The following ANKS1B variants were observed in gnomAD, a reference collection of about 807,000 sequenced individuals.
ANKS1B encodes the protein ankyrin repeat and sterile alpha motif domain containing 1B.
ANKS1B carries 36 observed loss-of-function variants against 148.3 expected under a neutral mutation model. The ratio of observed to expected loss-of-function variants is 0.24; its 90% CI spans 0.19 to 0.32. The LOEUF is 0.32. ANKS1B is among the 10% of genes least tolerant of loss of function. The pLI is 1.00. For synonymous variants in ANKS1B, 542 were observed against 560.8 expected, an observed-to-expected ratio of 0.97 and a Z score of 0.47; for missense variants, 1,157 against 1,542.6, an observed-to-expected ratio of 0.75 and a Z score of 4.19.
chr12:99,777,392 C>A (rs1301397314), intron 6 of ANKS1B, among the ~76,000 whole-genome samples: 2 of 152,182 alleles, frequency 1.3e-5, no homozygotes. Context: ...CCTAATTAAT[C>A]TTGACCATTT....
intron 15 of ANKS1B, among the ~76,000 whole-genome samples, chr12:99,134,689 A>G (rs896837666): frequency 3.1e-5 from 4 of 127,272 alleles, no homozygotes; most frequent in Non-Finnish European, 5.0e-5. Context: ...ACACACACAC[A>G]CACACACACA....
rs553987661 is a variant in ANKS1B at position 98,934,864 on chromosome 12, G to GT, written c.2779-102729dup. Among the ~76,000 whole-genome samples the GT allele has an allele frequency of 5.0e-3, 739 of 148,302 alleles. 4 individuals carry two copies. Among genetic ancestry groups the GT allele is most frequent in the South Asian group, 0.021 (100 of 4,668 alleles). On this transcript the variant is annotated intron_variant, in intron 17 of 26. Transcript: ENST00000683438. ...CTGAATTCATTTTTTAGTTCTAACA[G>GT]TTTTTTTTTTAAATGGAGTCTTTAG...
intron 16 of ANKS1B, among the ~76,000 whole-genome samples, chr12:99,058,577 C>T (rs2041124801): frequency 6.6e-6 from 1 of 152,016 alleles, no homozygotes; most frequent in African/African-American, 2.4e-5. Context: ...TAACCCTAAA[C>T]TAAGTAATTC....
intron 15 of ANKS1B, among the ~76,000 whole-genome samples, chr12:99,146,022 TATAG>T (rs2072947384): frequency 6.6e-6 from 1 of 152,118 alleles, no homozygotes; most frequent in Non-Finnish European, 1.5e-5. Flanking sequence ...TATGGAACTA[TATAG>T]AATTATATGA....
At chr12:99,889,020 C>T (rs528396423) in intron 1 of ANKS1B, among the ~76,000 whole-genome samples, 2 of 142,808 alleles carry the variant, frequency 1.4e-5, no homozygotes. Context: ...TGATTTTCCA[C>T]ACAAAATTTA....
At chr12:98,946,377 G>A (rs1212292887) in intron 17 of ANKS1B, among the ~76,000 whole-genome samples, 1 of 152,272 alleles carries the variant, frequency 6.6e-6, no homozygotes, top group Non-Finnish European at 1.5e-5. Flanking sequence ...GTTTAATCCT[G>A]TTTGAGTTGG....
intron 14 of ANKS1B, among the ~76,000 whole-genome samples, chr12:99,181,107 G>A (rs2079061272): frequency 1.3e-5 from 2 of 152,096 alleles, no homozygotes; most frequent in Non-Finnish European, 2.9e-5. Context: ...TTGGGTTTGT[G>A]GGTGTTCATT....
chr12:98,792,699 T>C (rs932175106), intron 22 of ANKS1B, among the ~76,000 whole-genome samples: 1 of 152,190 alleles, frequency 6.6e-6, no homozygotes. Context: ...TGAAATCATG[T>C]GGTATTTGTC....
intron 17 of ANKS1B, among the ~76,000 whole-genome samples, chr12:98,922,201 C>T (rs1399576763): frequency 6.6e-6 from 1 of 152,142 alleles, no homozygotes; most frequent in African/African-American, 2.4e-5. Context: ...CAATATCATA[C>T]CCCCAGAGGT....
intron 17 of ANKS1B, among the ~76,000 whole-genome samples, chr12:98,872,735 T>C (rs1361459324): frequency 3.9e-5 from 6 of 152,132 alleles, no homozygotes; most frequent in Non-Finnish European, 5.9e-5. Context: ...GATACCTTGA[T>C]CAGCTGACAC....
chr12:99,592,442 G>T (rs1338420664), intron 9 of ANKS1B, among the ~76,000 whole-genome samples: 2 of 146,432 alleles, frequency 1.4e-5, no homozygotes, highest in Non-Finnish European at 3.0e-5. Flanking sequence ...CAACTCAAAA[G>T]AGGAATCTGA....
chr12:99,591,818 C>A (rs2097705814), intron 9 of ANKS1B, among the ~76,000 whole-genome samples: 1 of 152,096 alleles, frequency 6.6e-6, no homozygotes, highest in Non-Finnish European at 1.5e-5. Flanking sequence ...AAGACCCAAT[C>A]CCTAGTCAAA....
intron 12 of ANKS1B, among the ~76,000 whole-genome samples, chr12:99,328,108 T>A (rs553966588): frequency 7.2e-5 from 11 of 151,846 alleles, no homozygotes; most frequent in Non-Finnish European, 1.5e-4. Context: ...AAAGTGAAAA[T>A]ATATAAAATG....
intron 8 of ANKS1B, among the ~76,000 whole-genome samples, chr12:99,755,594 CA>C (rs369571107): frequency 0.24 from 29,572 of 122,194 alleles, 3,540 homozygotes; most frequent in African/African-American, 0.31. Flanking sequence ...CAAAAATCCT[CA>C]AAAAAAAAAA....
intron 12 of ANKS1B, among the ~76,000 whole-genome samples, chr12:99,386,824 C>T (rs987218318): frequency 1.3e-5 from 2 of 152,176 alleles, no homozygotes; most frequent in South Asian, 2.1e-4. Flanking sequence ...TATGAAATAA[C>T]GAATGAAAGG....
At chr12:98,768,591 G>A (rs1051002859) in intron 25 of ANKS1B, among the ~76,000 whole-genome samples, 20 of 151,790 alleles carry the variant, frequency 1.3e-4, no homozygotes, top group South Asian at 4.2e-4. Context: ...AAAATTAGCC[G>A]GGCGTGCTGG....
At chr12:99,341,446 C>G (rs1214765605) in intron 12 of ANKS1B, among the ~76,000 whole-genome samples, 1 of 152,094 alleles carries the variant, frequency 6.6e-6, no homozygotes, top group Non-Finnish European at 1.5e-5. Context: ...GTACCAGTAC[C>G]TACACCTAGA....
intron 12 of ANKS1B, among the ~76,000 whole-genome samples, chr12:99,357,565 T>G (rs570316285): frequency 6.6e-6 from 1 of 152,144 alleles, no homozygotes; most frequent in Non-Finnish European, 1.5e-5. Flanking sequence ...CCTGAGAACA[T>G]AAGCTATTTA....
chr12:99,028,639 G>A (rs1203249306), intron 17 of ANKS1B, among the ~76,000 whole-genome samples: 1 of 152,098 alleles, frequency 6.6e-6, no homozygotes, highest in African/African-American at 2.4e-5. Flanking sequence ...TTCAGGATAT[G>A]GTCACCTATG....
Sources: allele counts gnomAD v4.1 joint callset (sites outside exome capture counted in the v4.1 genomes callset), GRCh38; gene constraint gnomAD v4.1.1; transcripts MANE v1.5; gene names NCBI Gene and HGNC (gene_info 2026-07-23, HGNC 2026-07-21).